Variants in STAT3 observed in about 807,000 individuals in gnomAD.
STAT3 encodes the protein signal transducer and activator of transcription 3, also known as DNA-binding protein APRF.
Under a neutral mutation model 114.3 loss-of-function variants are expected in STAT3, and 7 were observed. The observed-to-expected ratio is 0.06, with a 90% CI of 0.03 to 0.11. STAT3 has a LOEUF of 0.11. STAT3 is among the 10% of genes least tolerant of loss of function. The pLI is 1.00. For synonymous variants in STAT3, 331 were observed against 354.5 expected (o/e 0.93, Z 0.74); for missense variants, 364 against 960.9 (o/e 0.38, Z 8.21).
At chr17:42,334,874 A>T (rs1302843235) in intron 8 of STAT3, among the ~76,000 whole-genome samples, 2 of 152,216 alleles carry the variant, frequency 1.3e-5, no homozygotes, top group African/African-American at 4.8e-5. Context: ...TATCACTGGA[A>T]AATGACAAGC....
At position 42,381,731 on chromosome 17, in the gene STAT3, C is replaced by CAA. The variant is rs398038044; in HGVS notation, c.-24+6546_-24+6547dup. On this transcript the variant is annotated intron_variant, in intron 1 of 23. Coordinates refer to ENST00000264657, the MANE Select transcript of STAT3 (RefSeq NM_139276.3). ...TGGGCGACAGAGCGAGACTCCATCT[C>CAA]AAAAAAAAAAAAAAAAAGGAATTTG... 1.9e-3 allele frequency among the ~76,000 whole-genome samples: 107 copies of CAA among 57,680 alleles called. 2 individuals carry two copies. The highest frequency in any genetic ancestry group is 4.7e-3 in the African/African-American group (88 of 18,618). The allele number at this position is 57,680 out of a possible 152,430, so 37.8% of individuals were successfully genotyped here. A position where few individuals can be genotyped will look rare whatever the true frequency, so the allele number is the denominator to read the frequency against.
At chr17:42,354,167 G>A (rs115415295) in intron 1 of STAT3, among the ~76,000 whole-genome samples, 2,262 of 143,616 alleles carry the variant, frequency 0.016, 63 homozygotes, top group African/African-American at 0.056. Context: ...TACAATAATT[G>A]TGTTCTTTTT....
At chr17:42,383,737 G>A (rs1458600337) in intron 1 of STAT3, among the ~76,000 whole-genome samples, 1 of 152,216 alleles carries the variant, frequency 6.6e-6, no homozygotes, top group African/African-American at 2.4e-5. Flanking sequence ...CAGAACACCA[G>A]AAGTTCTTCA....
At chr17:42,336,975 T>C (rs1349636858) in intron 8 of STAT3, among the ~76,000 whole-genome samples, 1 of 151,988 alleles carries the variant, frequency 6.6e-6, no homozygotes, top group East Asian at 1.9e-4. Context: ...AAAAACTTTA[T>C]TTTATTTTTA....
chr17:42,358,805 C>G (rs1342777803), intron 1 of STAT3, among the ~76,000 whole-genome samples: 1 of 152,172 alleles, frequency 6.6e-6, no homozygotes, highest in African/African-American at 2.4e-5. Flanking sequence ...CTTTGAAGAA[C>G]TGTTGTAAAG....
chr17:42,328,218 A>C (rs1255200118), intron 14 of STAT3, among the ~76,000 whole-genome samples: 1 of 152,142 alleles, frequency 6.6e-6, no homozygotes, highest in Non-Finnish European at 1.5e-5. Context: ...AGAATTTCTT[A>C]ATATACATAT....
chr17:42,334,648 T>C (rs939445266), intron 8 of STAT3, among the ~76,000 whole-genome samples: 1 of 152,156 alleles, frequency 6.6e-6, no homozygotes, highest in Admixed American at 6.5e-5. Context: ...TTTTGCCTTG[T>C]TGGCCAGGCT....
At chr17:42,343,476 T>C (rs976259319) in intron 4 of STAT3, among the ~76,000 whole-genome samples, 3 of 114,808 alleles carry the variant, frequency 2.6e-5, no homozygotes, top group African/African-American at 6.8e-5. Flanking sequence ...TTTTTTTTTT[T>C]CAGTCGGAGT....
Position 42,348,540 on chromosome 17 carries a change from C to T in STAT3, c.-23-1G>A. On this transcript the variant is annotated splice_acceptor_variant, in intron 1 of 23. Transcript: ENST00000264657. LOFTEE classifies it low-confidence loss of function (5UTR_SPLICE). ...ATCCTGCTAAAATCAGGGGTCCCAA[C>T]TGTAAACCAAAGTGTGCATATGTTC... The T allele has an allele frequency of 1.2e-6, 2 of 1,612,864 alleles. No homozygotes were observed. Among genetic ancestry groups the T allele is most frequent in the Non-Finnish European group, 1.7e-6 (2 of 1,179,942 alleles).
intron 1 of STAT3, among the ~76,000 whole-genome samples, chr17:42,373,387 A>G (rs1211836405): frequency 6.6e-6 from 1 of 151,696 alleles, no homozygotes; most frequent in African/African-American, 2.4e-5. Context: ...ACACGTATCT[A>G]CTAAAATTAC....
intron 1 of STAT3, among the ~76,000 whole-genome samples, chr17:42,380,697 T>C (rs2084743266): frequency 6.6e-6 from 1 of 152,166 alleles, no homozygotes; most frequent in Non-Finnish European, 1.5e-5. Flanking sequence ...CCTGATATTA[T>C]AGTTTTTAAT....
chr17:42,337,582 A>G lies in STAT3; in HGVS notation c.650T>C (p.Ile217Thr). 2 of 1,614,182 alleles carry G rather than the reference A, an allele frequency of 1.2e-6. No homozygotes were observed. The highest frequency in any genetic ancestry group is 8.5e-7 in the Non-Finnish European group (1 of 1,180,042). The change falls in exon 8 of 24, where the codon ATC becomes ACC. Residue 217 changes from isoleucine (I) to threonine (T), a missense_variant. By Grantham distance (89) the Ile-to-Thr change is moderately conservative. Around this residue, in one of 5 missense-constraint regions of STAT3, gnomAD observed 294 missense variants for 745.1 expected, o/e 0.39. Coordinates refer to ENST00000264657, the MANE Select transcript of STAT3 (RefSeq NM_139276.3). This position sits in a 1 kb window ranked among gnomAD's most constrained non-coding sequence, Gnocchi z 4.0. ...LTALDQMRRS[I>T]VSELAGLLSA... ...CAAAAGCCCCGCCAGCTCACTCACG[A>G]TGCTCTGGTTGGAAACCAAAACAAA...
chr17:42,378,090 A>G (rs1018362260), intron 1 of STAT3, among the ~76,000 whole-genome samples: 2 of 149,368 alleles, frequency 1.3e-5, no homozygotes, highest in Non-Finnish European at 3.0e-5. Flanking sequence ...GGTTCAAGCG[A>G]TTCTCCTGCC....
intron 1 of STAT3, among the ~76,000 whole-genome samples, chr17:42,351,321 C>A (rs1339149701): frequency 6.6e-6 from 1 of 151,970 alleles, no homozygotes; most frequent in Non-Finnish European, 1.5e-5. Context: ...TCACAGCTCA[C>A]TGTAGCCTCA....
rs1486353566 is a variant in STAT3 at position 42,337,064 on chromosome 17, C to CAT, written c.797+369_797+370dup. 1.3e-5 allele frequency among the ~76,000 whole-genome samples: 2 copies of CAT among 152,210 alleles called. No homozygotes were observed. Among genetic ancestry groups the CAT allele is most frequent in the Admixed American group, 1.3e-4 (2 of 15,302 alleles). The stretch of plus-strand genomic sequence containing the variant: ...TAAGATCTCCGCTCACTGCAACTTC[C>CAT]ATATCCCAGGTTCAAGTGATTCTCC... On this transcript the variant is annotated intron_variant, in intron 8 of 23. Coordinates refer to ENST00000264657, the MANE Select transcript of STAT3 (RefSeq NM_139276.3). This position sits in a 1 kb window ranked among gnomAD's most constrained non-coding sequence, Gnocchi z 4.0.
chr17:42,339,757 T>A (rs2082365493), intron 4 of STAT3, among the ~76,000 whole-genome samples: 1 of 151,714 alleles, frequency 6.6e-6, no homozygotes, highest in Admixed American at 6.6e-5. Flanking sequence ...TTCTGAGGGA[T>A]AATAAAAAAA....
chr17:42,381,932 TG>T (rs1206993288), intron 1 of STAT3, among the ~76,000 whole-genome samples: 1 of 152,154 alleles, frequency 6.6e-6, no homozygotes, highest in East Asian at 1.9e-4. Flanking sequence ...CTTATTTTAA[TG>T]ACATTTAAAC....
Position 42,343,224 on chromosome 17 carries a change from T to G in STAT3, c.372+2335A>C, listed in dbSNP as rs539576524. Reference sequence around the variant, plus strand: ...AAGGTAAATTTGAAATGTAATGTTATGTGTATTTCACCACAATTTTTTAAA... The same window carrying G: ...AAGGTAAATTTGAAATGTAATGTTAGGTGTATTTCACCACAATTTTTTAAA... On this transcript the variant is annotated intron_variant, in intron 4 of 23. Transcript: ENST00000264657. Among the ~76,000 whole-genome samples the G allele has an allele frequency of 6.0e-5, 9 of 150,732 alleles. No individual in the cohort carries two copies. The East Asian group carries it at 1.8e-3, about 29-fold the overall frequency.
At position 42,329,796 on chromosome 17, in the gene STAT3, T is replaced by C. The variant is rs2081914782; in HGVS notation, c.1110-20A>G. The C allele has an allele frequency of 1.9e-6, 3 of 1,613,926 alleles. No individual in the cohort carries two copies. The highest frequency in any genetic ancestry group is 2.5e-6 in the Non-Finnish European group (3 of 1,179,848). Reference sequence around the variant, plus strand: ...GAGTCTCTGTAAGAACACAGACTGTTGTTAATAAAATAGGCTCTGTGTTTC... The same window carrying C: ...GAGTCTCTGTAAGAACACAGACTGTCGTTAATAAAATAGGCTCTGTGTTTC... On this transcript the variant is annotated intron_variant, in intron 11 of 23. Coordinates refer to ENST00000264657, the MANE Select transcript of STAT3 (RefSeq NM_139276.3).
Sources: allele counts gnomAD v4.1 joint callset (sites outside exome capture counted in the v4.1 genomes callset), GRCh38; gene constraint gnomAD v4.1.1; regional missense constraint gnomAD v4.1.1; non-coding constraint Gnocchi (gnomAD v3.1); transcripts MANE v1.5; gene names NCBI Gene and HGNC (gene_info 2026-07-23, HGNC 2026-07-21).